KAZN: variants seen among roughly 807,000 people sequenced by gnomAD.
KAZN encodes kazrin.
A neutral mutation model predicts 87.4 loss-of-function variants in KAZN; 40 were observed. The ratio of observed to expected loss-of-function variants is 0.46; its 90% confidence interval spans 0.36 to 0.60. KAZN has a LOEUF of 0.60. Among genes scored for constraint, KAZN ranks in the 20% least tolerant of loss-of-function variants. KAZN has a pLI of 0.00. For missense variants in KAZN, 898 were observed against 1,073.9 expected (o/e 0.84, Z 2.29); for synonymous variants, 466 against 458.3 (o/e 1.02, Z -0.22).
chr1:15,067,432 G>A, intron 8 of KAZN: 1 of 985,468 alleles, frequency 1.0e-6, no homozygotes, highest in Non-Finnish European at 1.2e-6. Context: ...AATGCCAGGG[G>A]ACGGAGGATG....
intron 2 of KAZN, among the ~76,000 whole-genome samples, chr1:14,490,508 T>G (rs1571778821): frequency 6.6e-6 from 1 of 152,164 alleles, no homozygotes; most frequent in South Asian, 2.1e-4. Flanking sequence ...TTTGTTTGTT[T>G]TTTGAGATGG....
chr1:15,081,665 C>T lies in KAZN; in HGVS notation c.1223-12515C>T, dbSNP rs1640010415. On this transcript the variant is annotated intron_variant, in intron 8 of 14. Transcript: ENST00000376030. The surrounding 1 kb of genome is among the most constrained non-coding windows in gnomAD (Gnocchi z 4.1). ...GAAATAATCAGTATTGAAACAGAGC[C>T]CTGAGCCTGTGTAAGCTTCACCAGG... Among the ~76,000 whole-genome samples the T allele has an allele frequency of 6.6e-6, 1 of 152,032 alleles. No individual in the cohort carries two copies.
At chr1:14,691,365 AT>A (rs1167783967) in intron 1 of KAZN, among the ~76,000 whole-genome samples, 1 of 152,212 alleles carries the variant, frequency 6.6e-6, no homozygotes, top group African/African-American at 2.4e-5. Context: ...CTACAAATAT[AT>A]TTATACATGT....
At chr1:14,139,961 GTGTGTGTGGTATGTA>G (rs766849598) in intron 1 of KAZN, among the ~76,000 whole-genome samples, 8,415 of 103,464 alleles carry the variant, frequency 0.081, 297 homozygotes, top group African/African-American at 0.17. Context: ...GTGTGTGTGT[GTGTGTGTGGTATGTA>G]TGTGTGTGTG....
intron 2 of KAZN, among the ~76,000 whole-genome samples, chr1:15,016,513 T>TGACCTCAG: frequency 6.6e-6 from 1 of 152,110 alleles, no homozygotes; most frequent in Middle Eastern, 3.4e-3. Context: ...CTCAAACTCC[T>TGACCTCAG]GACCTCAGGT....
intron 2 of KAZN, among the ~76,000 whole-genome samples, chr1:14,299,388 A>G (rs1201571224): frequency 6.6e-6 from 1 of 152,120 alleles, no homozygotes; most frequent in Non-Finnish European, 1.5e-5. Flanking sequence ...CTGTAATCGC[A>G]TCTACCTGGG....
At position 15,002,693 on chromosome 1, in the gene KAZN, C is replaced by T. The variant is rs192816390; in HGVS notation, c.419-32056C>T. On this transcript the variant is annotated intron_variant, in intron 2 of 14. Transcript: ENST00000376030. The stretch of plus-strand genomic sequence containing the variant: ...ATTCCTCACCAAAAAAACACACACA[C>T]GGCTGGGCGTGGTAGCTCACACCTG... 5.3e-5 allele frequency among the ~76,000 whole-genome samples: 8 copies of T among 152,210 alleles called. No homozygotes were observed. In the East Asian group the frequency reaches 5.8e-4, roughly 11 times the overall value.
At chr1:15,110,084 TATA>T (rs201900351) in intron 13 of KAZN, among the ~76,000 whole-genome samples, 2 of 151,194 alleles carry the variant, frequency 1.3e-5, no homozygotes, top group African/African-American at 2.4e-5. Flanking sequence ...TGTATGTGTG[TATA>T]TGTATGTGTG....
intron 2 of KAZN, among the ~76,000 whole-genome samples, chr1:14,489,028 T>G (rs957627429): frequency 2.0e-5 from 3 of 152,184 alleles, no homozygotes; most frequent in Non-Finnish European, 4.4e-5. Flanking sequence ...TTATTGGGCC[T>G]TGAGAGAAAG....
intron 13 of KAZN, among the ~76,000 whole-genome samples, chr1:15,105,644 G>T (rs566311535): frequency 6.6e-6 from 1 of 151,952 alleles, no homozygotes; most frequent in African/African-American, 2.4e-5. Context: ...CTCTAACTCA[G>T]GCCTGAGTCC....
chr1:14,569,461 T>C (rs140424004), intron 2 of KAZN, among the ~76,000 whole-genome samples: 10,418 of 151,670 alleles, frequency 0.069, 383 homozygotes, highest in Non-Finnish European at 0.076. Context: ...TAGCTGGGAT[T>C]ACAGGCGCCT....
intron 7 of KAZN, among the ~76,000 whole-genome samples, chr1:15,065,419 T>A (rs964588144): frequency 6.6e-6 from 1 of 152,294 alleles, no homozygotes; most frequent in Admixed American, 6.5e-5. Flanking sequence ...CTGTGACTGG[T>A]CCCTGTTTGC....
At chr1:14,482,197 T>C (rs1434930388) in intron 2 of KAZN, among the ~76,000 whole-genome samples, 1 of 152,164 alleles carries the variant, frequency 6.6e-6, no homozygotes, top group Non-Finnish European at 1.5e-5. Context: ...CCCCTCCCGC[T>C]AGCTGATACC....
chr1:14,554,038 A>T (rs994894948), intron 2 of KAZN, among the ~76,000 whole-genome samples: 1 of 152,168 alleles, frequency 6.6e-6, no homozygotes, highest in African/African-American at 2.4e-5. Context: ...GAACAAGGCT[A>T]CTGGAGCCAG....
At chr1:14,677,979 A>G (rs1640334800) in intron 1 of KAZN, among the ~76,000 whole-genome samples, 1 of 152,176 alleles carries the variant, frequency 6.6e-6, no homozygotes. Context: ...GCTGCTCCTC[A>G]TGCCCTACGA....
At chr1:14,157,801 TG>T (rs546933288) in intron 1 of KAZN, among the ~76,000 whole-genome samples, 1 of 152,154 alleles carries the variant, frequency 6.6e-6, no homozygotes, top group Admixed American at 6.5e-5. Context: ...TTCTGCATGC[TG>T]GGGGGGCCTC....
At chr1:14,320,761 G>GTACA (rs1401134729) in intron 2 of KAZN, among the ~76,000 whole-genome samples, 1 of 152,140 alleles carries the variant, frequency 6.6e-6, no homozygotes, top group East Asian at 1.9e-4. Flanking sequence ...TTAGCCACTG[G>GTACA]TACAAGCTGC....
At chr1:14,010,288 T>C (rs79362402) in intron 1 of KAZN, among the ~76,000 whole-genome samples, 2 of 152,250 alleles carry the variant, frequency 1.3e-5, no homozygotes, top group African/African-American at 4.8e-5. Flanking sequence ...ACTTTGGTCT[T>C]ACTATATAAA....
At chr1:14,093,231 C>T (rs1570721967) in intron 1 of KAZN, among the ~76,000 whole-genome samples, 1 of 152,316 alleles carries the variant, frequency 6.6e-6, no homozygotes, top group South Asian at 2.1e-4. Flanking sequence ...TCCCTCCATC[C>T]TTTGCAGTTT....
Sources: allele counts gnomAD v4.1 joint callset (sites outside exome capture counted in the v4.1 genomes callset), GRCh38; gene constraint gnomAD v4.1.1; non-coding constraint Gnocchi (gnomAD v3.1); transcripts MANE v1.5; gene names NCBI Gene and HGNC (gene_info 2026-07-23, HGNC 2026-07-21).